Variants in TTC27 observed in about 807,000 individuals in gnomAD.
The protein encoded by TTC27 is tetratricopeptide repeat domain 27, also known as tetratricopeptide repeat protein 27.
TTC27 carries 79 observed loss-of-function variants against 115.9 expected under a neutral mutation model. That is an observed-to-expected ratio of 0.68 (90% CI 0.57 to 0.82). The LOEUF (loss-of-function observed/expected upper bound fraction) is 0.82. Ranked by LOEUF, TTC27 falls within the 40% of genes least tolerant of loss-of-function variation. TTC27 has a pLI of 0.00. For missense variants in TTC27, 1,054 were observed against 993.1 expected, an observed-to-expected ratio of 1.06 and a Z score of -0.82; for synonymous variants, 401 against 356.0, an observed-to-expected ratio of 1.13 and a Z score of -1.42.
At chr2:32,695,589 C>T (rs535937575) in intron 9 of TTC27, among the ~76,000 whole-genome samples, 3 of 151,888 alleles carry the variant, frequency 2.0e-5, no homozygotes, top group African/African-American at 7.2e-5. Flanking sequence ...CGTGGTGGTG[C>T]GTGCCTGCAG....
chr2:32,660,152 C>G (rs1665484072), intron 5 of TTC27, among the ~76,000 whole-genome samples: 2 of 152,148 alleles, frequency 1.3e-5, no homozygotes, highest in Admixed American at 1.3e-4. Context: ...AGTGTTCCTA[C>G]TTCTCCACAT....
chr2:32,721,935 T>C (rs1423319071), intron 10 of TTC27, among the ~76,000 whole-genome samples: 1 of 152,202 alleles, frequency 6.6e-6, no homozygotes, highest in Non-Finnish European at 1.5e-5. Context: ...ACTTTCCTTA[T>C]TGGTAGGGTG....
intron 16 of TTC27, among the ~76,000 whole-genome samples, chr2:32,789,413 C>T (rs1027856770): frequency 1.3e-5 from 2 of 152,104 alleles, no homozygotes; most frequent in Admixed American, 1.3e-4. Context: ...GATGATACTT[C>T]TGTATTTGAG....
In TTC27 at chr2:32,797,370, G is replaced by A. The variant is rs150278727; in HGVS notation, c.1998+10221G>A. 4.2e-3 allele frequency among the ~76,000 whole-genome samples: 644 copies of A among 151,922 alleles called. 2 individuals carry two copies. Among genetic ancestry groups the A allele is most frequent in the African/African-American group, 0.015 (613 of 41,432 alleles). On this transcript the variant is annotated intron_variant, in intron 16 of 19. Coordinates refer to ENST00000317907, the MANE Select transcript of TTC27 (RefSeq NM_017735.5). ...ATTTTTTTTTTCCTGTGGAGACAGC[G>A]TTTTGCTATGTTGCCAAGGTTGATC...
intron 10 of TTC27, among the ~76,000 whole-genome samples, chr2:32,715,315 T>C (rs1667718305): frequency 6.6e-6 from 1 of 152,174 alleles, no homozygotes; most frequent in African/African-American, 2.4e-5. Context: ...CCCAGCACCA[T>C]TTGTTGAATA....
intron 3 of TTC27, 134 bp from the exon 4 acceptor site, chr2:32,640,136 C>A: frequency 1.3e-6 from 1 of 797,042 alleles, no homozygotes; most frequent in Non-Finnish European, 1.9e-6. Context: ...CTGTCCAGTG[C>A]CAATTGCTGT....
At chr2:32,634,524 A>T (rs1384699317) in intron 3 of TTC27, among the ~76,000 whole-genome samples, 1 of 151,784 alleles carries the variant, frequency 6.6e-6, no homozygotes, top group Non-Finnish European at 1.5e-5. Flanking sequence ...CCTGGGCTCA[A>T]GTGGTCTGCC....
intron 9 of TTC27, among the ~76,000 whole-genome samples, chr2:32,682,844 G>GTTTTTTTTTTTTTTCTT (rs142030247): frequency 1.8e-5 from 1 of 56,988 alleles, no homozygotes; most frequent in African/African-American, 7.5e-5. Flanking sequence ...AATTTTTATT[G>GTTTTTTTTTTTTTTCTT]TTGTTTTTTT....
At chr2:32,799,611 A>T (rs1274491331) in intron 16 of TTC27, among the ~76,000 whole-genome samples, 1 of 152,220 alleles carries the variant, frequency 6.6e-6, no homozygotes, top group African/African-American at 2.4e-5. Context: ...AGAGAGCTGG[A>T]ATGAATTTTT....
At chr2:32,810,794 C>T (rs1306755759) in intron 16 of TTC27, among the ~76,000 whole-genome samples, 1 of 152,142 alleles carries the variant, frequency 6.6e-6, no homozygotes, top group Non-Finnish European at 1.5e-5. Context: ...GAAAGAAGAA[C>T]CCTCTCTGGA....
chr2:32,782,231 CT>C (rs200950967), intron 14 of TTC27, among the ~76,000 whole-genome samples: 1,566 of 152,226 alleles, frequency 0.01, 16 homozygotes, highest in Middle Eastern at 0.031. Flanking sequence ...CTTAACCCCC[CT>C]ATCCGGTGAA....
chr2:32,666,246 C>T (rs752741456), intron 6 of TTC27, among the ~76,000 whole-genome samples: 18 of 152,122 alleles, frequency 1.2e-4, no homozygotes, highest in Non-Finnish European at 2.5e-4. Flanking sequence ...GGTTCTGATG[C>T]TGAGAAGCCC....
chr2:32,645,718 T>C (rs1664827373), intron 4 of TTC27, among the ~76,000 whole-genome samples: 2 of 152,138 alleles, frequency 1.3e-5, no homozygotes, highest in South Asian at 4.2e-4. Flanking sequence ...ATTTTTTCTT[T>C]CTTTTTTTAT....
intron 12 of TTC27, among the ~76,000 whole-genome samples, chr2:32,753,710 G>A (rs909095721): frequency 2.0e-4 from 31 of 151,912 alleles, no homozygotes; most frequent in Admixed American, 1.9e-3. Context: ...GTCTCCCAAA[G>A]TGTTGGGATT....
intron 13 of TTC27, among the ~76,000 whole-genome samples, chr2:32,775,778 C>G (rs905517317): frequency 1.3e-5 from 2 of 152,050 alleles, no homozygotes; most frequent in Non-Finnish European, 1.5e-5. Context: ...AGATGCATCT[C>G]TATTTCAGAA....
chr2:32,641,533 C>T (rs550260352), intron 4 of TTC27, among the ~76,000 whole-genome samples: 5 of 152,348 alleles, frequency 3.3e-5, no homozygotes, highest in South Asian at 2.1e-4. Context: ...GCTGGATTTG[C>T]GCACAGGCTG....
intron 5 of TTC27, among the ~76,000 whole-genome samples, chr2:32,656,200 CTGT>C (rs1665309383): frequency 6.6e-6 from 1 of 152,036 alleles, no homozygotes; most frequent in Non-Finnish European, 1.5e-5. Context: ...TGAGTGCTTG[CTGT>C]GTTCCAGACA....
At chr2:32,792,608 G>C (rs1670573336) in intron 16 of TTC27, among the ~76,000 whole-genome samples, 1 of 152,164 alleles carries the variant, frequency 6.6e-6, no homozygotes, top group Non-Finnish European at 1.5e-5. Flanking sequence ...AACAGAACAA[G>C]TACTTAGAGA....
intron 13 of TTC27, among the ~76,000 whole-genome samples, chr2:32,765,690 G>A (rs1669604086): frequency 6.6e-6 from 1 of 152,160 alleles, no homozygotes; most frequent in Admixed American, 6.5e-5. Context: ...AATCTGTTTA[G>A]TGCAGCCACC....
Sources: allele counts gnomAD v4.1 joint callset (sites outside exome capture counted in the v4.1 genomes callset), GRCh38; gene constraint gnomAD v4.1.1; transcripts MANE v1.5; gene names NCBI Gene and HGNC (gene_info 2026-07-23, HGNC 2026-07-21).